The following HHLA2 variants were observed in gnomAD, a reference collection of about 807,000 sequenced individuals.
HHLA2 encodes HERV-H LTR-associating protein 2.
HHLA2 carries 48 observed loss-of-function variants against 45.9 expected under a neutral mutation model. The observed-to-expected ratio is 1.05, with a 90% CI of 0.83 to 1.33. HHLA2 has a LOEUF of 1.33. HHLA2 is among the 40% of genes most tolerant of loss of function. The pLI is 0.00. For missense variants in HHLA2, 462 were observed against 494.3 expected (o/e 0.93, Z 0.62); for synonymous variants, 161 against 173.9 (o/e 0.93, Z 0.59).
intron 3 of HHLA2, among the ~76,000 whole-genome samples, chr3:108,329,845 A>G (rs1218133588): frequency 6.6e-6 from 1 of 152,222 alleles, no homozygotes; most frequent in African/African-American, 2.4e-5. Flanking sequence ...ACTGCATAAC[A>G]TATTACTCTA....
At chr3:108,320,848 C>G (rs1269534463) in intron 2 of HHLA2, among the ~76,000 whole-genome samples, 1 of 151,992 alleles carries the variant, frequency 6.6e-6, no homozygotes, top group East Asian at 1.9e-4. Flanking sequence ...GACTGTAATG[C>G]AAAGCAGGTA....
At chr3:108,321,091 T>TAAAAAAAAA (rs67374827) in intron 2 of HHLA2, among the ~76,000 whole-genome samples, 1,116 of 101,358 alleles carry the variant, frequency 0.011, 42 homozygotes, top group African/African-American at 0.039. Flanking sequence ...TCCAGGTGTT[T>TAAAAAAAAA]AAAAAAAAAA....
rs182793817 is a variant in HHLA2 at position 108,319,359 on chromosome 3, C to T, written c.-105+8618C>T. The stretch of plus-strand genomic sequence containing the variant: ...TCTGAGACTCTTCCCACTTGATCTT[C>T]CTTCCTTCCTCGACTCTTTTCAAGT... On this transcript the variant is annotated intron_variant, in intron 2 of 10. Coordinates refer to ENST00000619531, the Ensembl canonical transcript of HHLA2. Among the ~76,000 whole-genome samples, 1,009 of 152,280 alleles carry T rather than the reference C, an allele frequency of 6.6e-3. 6 individuals carry two copies. The highest frequency in any genetic ancestry group is 0.01 in the Non-Finnish European group (685 of 68,022).
intron 2 of HHLA2, among the ~76,000 whole-genome samples, chr3:108,317,980 G>A (rs1478719400): frequency 6.6e-6 from 1 of 151,802 alleles, no homozygotes; most frequent in African/African-American, 2.4e-5. Flanking sequence ...TCGGGAATTC[G>A]AGACCAGCCT....
intron 2 of HHLA2, among the ~76,000 whole-genome samples, chr3:108,323,787 T>C (rs1576118381): frequency 6.6e-6 from 1 of 152,292 alleles, no homozygotes; most frequent in East Asian, 1.9e-4. Context: ...TGCTCTATTG[T>C]AATGCAGATG....
chr3:108,301,645 T>G (rs1041385861), intron 1 of HHLA2, among the ~76,000 whole-genome samples: 2 of 152,144 alleles, frequency 1.3e-5, no homozygotes, highest in African/African-American at 4.8e-5. Context: ...TCTTTCCCTT[T>G]TGGAAGTTGA....
intron 5 of HHLA2, among the ~76,000 whole-genome samples, chr3:108,354,292 G>A (rs563240215): frequency 5.5e-4 from 84 of 151,924 alleles, no homozygotes; most frequent in Admixed American, 1.4e-3. Flanking sequence ...CATTAATATA[G>A]TTAATACATA....
chr3:108,377,975 C>T (rs2082303846), exon 11 of HHLA2: 1 of 152,202 alleles, frequency 6.6e-6, no homozygotes, highest in Non-Finnish European at 1.5e-5. Context: ...ATAGCCTTAA[C>T]TGATGACATT....
rs186917897 is a variant in HHLA2, at chr3:108,311,126, C to T, written c.-105+385C>T. Among the ~76,000 whole-genome samples, 191 of 152,196 alleles carry T rather than the reference C, an allele frequency of 1.3e-3. 5 individuals are homozygous for T. Among genetic ancestry groups the T allele is most frequent in the Non-Finnish European group, 1.4e-3 (98 of 68,006 alleles). On this transcript the variant is annotated intron_variant, in intron 2 of 10. Coordinates refer to ENST00000619531, the Ensembl canonical transcript of HHLA2. ...TAACAAACCTATGGTCTTTTATCAG[C>T]GGTGTGATTTGCAAGTAGTAGAGAA...
At chr3:108,334,077 G>C (rs1018049701) in intron 3 of HHLA2, among the ~76,000 whole-genome samples, 4 of 152,152 alleles carry the variant, frequency 2.6e-5, no homozygotes, top group Non-Finnish European at 5.9e-5. Context: ...TGAAGTGGGA[G>C]GGTGCAATGA....
intron 3 of HHLA2, among the ~76,000 whole-genome samples, chr3:108,340,914 TC>T (rs1560230020): frequency 6.5e-5 from 3 of 45,930 alleles, no homozygotes; most frequent in African/African-American, 2.7e-4. Context: ...TTTTTTTCCT[TC>T]CTTCCTTCCT....
In HHLA2 at chr3:108,354,990, C is replaced by G. The variant is rs138473178; in HGVS notation, c.419-125C>G. 6.9e-5 allele frequency: 65 copies of G among 945,844 alleles called. No individual in the cohort carries two copies. In the African/African-American group the frequency reaches 9.0e-4, roughly 13 times the overall value. The allele number at this position is 945,844 out of a possible 1,614,324, so 58.6% of individuals were successfully genotyped here. ...GTTGGTTTGTTTTCCCTTTCAGTAA[C>G]TGCCAAGTTTTGCTCATAAAATTTA... On this transcript the variant is annotated intron_variant, in intron 5 of 10. Coordinates refer to ENST00000619531, the Ensembl canonical transcript of HHLA2.
intron 3 of HHLA2, among the ~76,000 whole-genome samples, chr3:108,328,847 T>G (rs1430935979): frequency 6.6e-6 from 1 of 152,092 alleles, no homozygotes; most frequent in Non-Finnish European, 1.5e-5. Flanking sequence ...TGTTCACTCA[T>G]TGCTGCAGTT....
At chr3:108,376,116 A>G (rs2082270935) in intron 9 of HHLA2, among the ~76,000 whole-genome samples, 1 of 152,248 alleles carries the variant, frequency 6.6e-6, no homozygotes, top group Non-Finnish European at 1.5e-5. Context: ...AGGAAAGTCC[A>G]TAAGGAGACC....
chr3:108,369,386 C>T (rs564531292), intron 8 of HHLA2, among the ~76,000 whole-genome samples: 7 of 152,204 alleles, frequency 4.6e-5, no homozygotes, highest in South Asian at 2.1e-4. Context: ...CCAGCGTGAG[C>T]GACGCAGAAG....
intron 1 of HHLA2, among the ~76,000 whole-genome samples, chr3:108,298,488 A>G (rs1250837733): frequency 6.6e-6 from 1 of 152,196 alleles, no homozygotes; most frequent in Non-Finnish European, 1.5e-5. Flanking sequence ...TTTCCAGTAT[A>G]TATTTGCAGG....
At chr3:108,357,145 G>T (rs979397189) in intron 6 of HHLA2, among the ~76,000 whole-genome samples, 10 of 152,134 alleles carry the variant, frequency 6.6e-5, no homozygotes. Context: ...GCCTTTTGGA[G>T]GGCTTACTTT....
Position 108,316,998 on chromosome 3 carries a change from C to T in HHLA2, c.-105+6257C>T, listed in dbSNP as rs547960880. ...CTTCATGGGACTAAGTTAATGTCTT[C>T]TAAGCACAAAAATCATGGCTGTTGT... is the stretch of plus-strand genomic sequence containing the variant. On this transcript the variant is annotated intron_variant, in intron 2 of 10. Transcript: ENST00000619531. Among the ~76,000 whole-genome samples the T allele has an allele frequency of 3.9e-5, 6 of 152,270 alleles. No homozygotes were observed. The South Asian group carries it at 1.2e-3, about 32-fold the overall frequency.
At chr3:108,362,469 GC>G (rs756008030) in intron 8 of HHLA2, 23 bp downstream of exon 7, 82 of 1,478,308 alleles carry the variant, frequency 5.5e-5, no homozygotes, top group Non-Finnish European at 7.0e-5. Context: ...TTTGGGCTCT[GC>G]CCCACGTGTT....
Sources: gnomAD v4.1 joint callset for allele counts (sites outside exome capture counted in the v4.1 genomes callset) on GRCh38, gnomAD v4.1.1 for gene constraint, MANE v1.5 for transcripts, NCBI Gene and HGNC (gene_info 2026-07-23, HGNC 2026-07-21) for gene names.